The following CCND3 variants were observed in gnomAD, a reference collection of about 807,000 sequenced individuals.
CCND3 encodes the protein G1/S-specific cyclin-D3.
Under a neutral mutation model 28.7 loss-of-function variants are expected in CCND3, and 9 were observed. The ratio of observed to expected loss-of-function variants is 0.31; its 90% CI spans 0.19 to 0.55. CCND3 has a LOEUF of 0.55. Ranked by LOEUF, CCND3 falls within the 20% of genes least tolerant of loss-of-function variation. The probability of loss-of-function intolerance (pLI) is 0.93; values close to 1 mark genes in which losing one functional copy is unlikely to be tolerated. For synonymous variants in CCND3, 164 were observed against 163.9 expected, an observed-to-expected ratio of 1.00 and a Z score of 0.00; for missense variants, 315 against 385.8, an observed-to-expected ratio of 0.82 and a Z score of 1.54.
intron 1 of CCND3, among the ~76,000 whole-genome samples, chr6:41,984,619 A>G (rs529208591): frequency 6.6e-6 from 1 of 151,946 alleles, no homozygotes; most frequent in Non-Finnish European, 1.5e-5. Flanking sequence ...AAGTGTTGGG[A>G]TTACAGGCAT....
chr6:42,008,909 G>A (rs1763253910), intron 1 of CCND3, among the ~76,000 whole-genome samples: 1 of 152,184 alleles, frequency 6.6e-6, no homozygotes. Flanking sequence ...GGCAGGAAAG[G>A]AGCTCTAGAA....
In CCND3 at chr6:41,935,600, A is replaced by T. The variant is rs973001723; in HGVS notation, c.*340T>A. On this transcript the variant is annotated 3_prime_UTR_variant, in exon 5 of 5. Coordinates refer to ENST00000372991, the MANE Select transcript of CCND3 (RefSeq NM_001760.5). Reference sequence around the variant, plus strand: ...CTAGAGCATTTTGGCAGTTGAAAACATGAGAGCCCCCAGGGGTGGGGGGGG... The same window carrying T: ...CTAGAGCATTTTGGCAGTTGAAAACTTGAGAGCCCCCAGGGGTGGGGGGGG... 7 of 466,718 alleles carry T rather than the reference A, an allele frequency of 1.5e-5. No individual in the cohort carries two copies. The East Asian group carries it at 2.1e-4, about 14-fold the overall frequency. The allele number at this position is 466,718 out of a possible 1,614,324, so 28.9% of individuals were successfully genotyped here. A position where few individuals can be genotyped will look rare whatever the true frequency, so the allele number is the denominator to read the frequency against.
Position 42,048,644 on chromosome 6 carries a change from C to T in CCND3, c.-189G>A. ...GATTGCACCTCTCCCCCCCGGCCGG[C>T]ATCCGAACAGAGCCAGTCTCCACCC... On this transcript the variant is annotated 5_prime_UTR_variant, in exon 1 of 5. Transcript: ENST00000372988. The surrounding 1 kb of genome is among the most constrained non-coding windows in gnomAD (Gnocchi z 4.7). 1 of 518,394 alleles carries T rather than the reference C, an allele frequency of 1.9e-6. No individual in the cohort carries two copies. The allele number at this position is 518,394 out of a possible 1,614,324, so 32.1% of individuals were successfully genotyped here. A position where few individuals can be genotyped will look rare whatever the true frequency, so the allele number is the denominator to read the frequency against.
intron 1 of CCND3, among the ~76,000 whole-genome samples, chr6:42,019,488 CA>C (rs57466823): frequency 0.016 from 1,380 of 84,750 alleles, 12 homozygotes; most frequent in African/African-American, 0.052. Context: ...GACTCTGTCT[CA>C]AAAAAAAAAA....
At chr6:42,038,649 T>C (rs916528199) in intron 1 of CCND3, among the ~76,000 whole-genome samples, 10 of 151,584 alleles carry the variant, frequency 6.6e-5, no homozygotes, top group African/African-American at 2.4e-4. Flanking sequence ...TAAGAAATAA[T>C]CAGTAATACT....
chr6:42,037,481 C>T lies in CCND3; in HGVS notation c.-46+11020G>A, dbSNP rs183848601. ...CAATCTCTCGACCTTGTGATCCGCC[C>T]GCCTCGGCCTCCCAAAGTGCTGGGA... On this transcript the variant is annotated intron_variant, in intron 1 of 4. Coordinates refer to the CCND3 transcript ENST00000372988. Among the ~76,000 whole-genome samples, 11 of 151,876 alleles carry T rather than the reference C, an allele frequency of 7.2e-5. No homozygotes were observed. The East Asian group carries it at 1.4e-3, about 19-fold the overall frequency.
At chr6:41,969,366 A>G (rs1255764891) in intron 1 of CCND3, among the ~76,000 whole-genome samples, 1 of 151,448 alleles carries the variant, frequency 6.6e-6, no homozygotes, top group South Asian at 2.1e-4. Context: ...AAATACAAAA[A>G]TTAGCTGGGC....
At chr6:41,964,435 TATGTGTGA>T (rs1386728792) in intron 1 of CCND3, among the ~76,000 whole-genome samples, 26 of 151,270 alleles carry the variant, frequency 1.7e-4, no homozygotes, top group African/African-American at 6.1e-4. Flanking sequence ...TGTTTGTGTG[TATGTGTGA>T]ATGTGTGAGT....
chr6:42,013,369 T>TC (rs1269631815), intron 1 of CCND3, among the ~76,000 whole-genome samples: 2 of 152,224 alleles, frequency 1.3e-5, no homozygotes, highest in African/African-American at 4.8e-5. Context: ...CTATGAGACA[T>TC]CCCATTGTAT....
intron 1 of CCND3, among the ~76,000 whole-genome samples, chr6:42,043,364 C>T (rs563744445): frequency 1.4e-4 from 22 of 152,298 alleles, no homozygotes; most frequent in African/African-American, 5.3e-4. Flanking sequence ...GGTGAAACCT[C>T]GTCAAAGATA....
intron 1 of CCND3, among the ~76,000 whole-genome samples, chr6:41,984,025 A>G (rs753884939): frequency 6.6e-6 from 1 of 152,162 alleles, no homozygotes; most frequent in Non-Finnish European, 1.5e-5. Context: ...TTAAAATTTC[A>G]CATATAAGTG....
intron 1 of CCND3, among the ~76,000 whole-genome samples, chr6:41,948,345 T>G (rs1034982379): frequency 3.5e-4 from 15 of 42,884 alleles, no homozygotes; most frequent in African/African-American, 1.3e-3. Flanking sequence ...TTTTTTTTGT[T>G]TTTTTTTTTG....
chr6:41,957,813 T>C (rs149095450), intron 1 of CCND3, among the ~76,000 whole-genome samples: 40 of 152,204 alleles, frequency 2.6e-4, no homozygotes, highest in African/African-American at 9.2e-4. Flanking sequence ...CAGATTCCTC[T>C]CATTGTAGGT....
intron 1 of CCND3, among the ~76,000 whole-genome samples, chr6:42,027,206 G>A (rs966310930): frequency 3.3e-5 from 5 of 152,124 alleles, no homozygotes; most frequent in Admixed American, 2.6e-4. Context: ...TTGGGAGGCC[G>A]AGACGGGCAG....
At chr6:41,985,514 CA>C (rs1437420964) in intron 1 of CCND3, among the ~76,000 whole-genome samples, 2 of 151,938 alleles carry the variant, frequency 1.3e-5, no homozygotes, top group Non-Finnish European at 2.9e-5. Context: ...GGGGTTTCAC[CA>C]TGTTGGCCAG....
rs184057051 is a variant in CCND3, at chr6:42,040,951, T to C, written c.-46+7550A>G. Among the ~76,000 whole-genome samples the C allele has an allele frequency of 1.6e-4, 25 of 152,084 alleles. No individual in the cohort carries two copies. The East Asian group carries it at 2.7e-3, about 16-fold the overall frequency. On this transcript the variant is annotated intron_variant, in intron 1 of 4. Transcript: ENST00000372988. Reference sequence around the variant, plus strand: ...ATGGGTTAATAAATATCCATACTTATTATAAACTGACTTATGTACAAATGG... The same window carrying C: ...ATGGGTTAATAAATATCCATACTTACTATAAACTGACTTATGTACAAATGG...
intron 1 of CCND3, among the ~76,000 whole-genome samples, chr6:41,995,906 C>T (rs1433675683): frequency 2.6e-5 from 4 of 151,304 alleles, no homozygotes; most frequent in Non-Finnish European, 5.9e-5. Context: ...TTTAATAATA[C>T]TAAAAATTTT....
chr6:42,026,283 GC>G (rs530798249), intron 1 of CCND3, among the ~76,000 whole-genome samples: 1 of 144,942 alleles, frequency 6.9e-6, no homozygotes, highest in African/African-American at 2.6e-5. Flanking sequence ...TCCCCCCGCC[GC>G]CCCCCTGCCA....
At chr6:41,974,108 G>A (rs528196617) in intron 1 of CCND3, among the ~76,000 whole-genome samples, 14 of 152,272 alleles carry the variant, frequency 9.2e-5, no homozygotes, top group South Asian at 6.2e-4. Context: ...GCTTGAACCC[G>A]GGAGGTGGAG....
Sources: allele counts gnomAD v4.1 joint callset (sites outside exome capture counted in the v4.1 genomes callset), GRCh38; gene constraint gnomAD v4.1.1; non-coding constraint Gnocchi (gnomAD v3.1); transcripts MANE v1.5; gene names NCBI Gene and HGNC (gene_info 2026-07-23, HGNC 2026-07-21).